The following PAPSS1 variants were observed in gnomAD, a reference collection of about 807,000 sequenced individuals.
The protein encoded by PAPSS1 is bifunctional 3'-phosphoadenosine 5'-phosphosulfate synthase 1.
A neutral mutation model predicts 72.0 loss-of-function variants in PAPSS1; 50 were observed. The observed-to-expected ratio is 0.69, with a 90% confidence interval of 0.55 to 0.88. The LOEUF (loss-of-function observed/expected upper bound fraction) is 0.88. Among genes scored for constraint, PAPSS1 ranks in the 40% least tolerant of loss-of-function variants. The pLI is 0.00. For missense variants in PAPSS1, 657 were observed against 782.2 expected (o/e 0.84, Z 1.91); for synonymous variants, 261 against 263.6 (o/e 0.99, Z 0.09).
In PAPSS1 at chr4:107,623,411, G is replaced by A. The variant is rs1160509715; in HGVS notation, c.1736+8220C>T. Reference sequence around the variant, plus strand: ...CCTAGGACACTGATGTGCTGCTCTAGGAAGAGTTTATGTTTGCTTCTGCTG... The same window carrying A: ...CCTAGGACACTGATGTGCTGCTCTAAGAAGAGTTTATGTTTGCTTCTGCTG... On this transcript the variant is annotated intron_variant, in intron 11 of 11. Transcript: ENST00000265174. Among the ~76,000 whole-genome samples the A allele has an allele frequency of 3.3e-5, 5 of 152,150 alleles. No individual in the cohort carries two copies. In the East Asian group the frequency reaches 9.6e-4, roughly 29 times the overall value.
chr4:107,679,513 C>G (rs1727745478), intron 5 of PAPSS1, among the ~76,000 whole-genome samples: 2 of 152,218 alleles, frequency 1.3e-5, no homozygotes, highest in South Asian at 4.2e-4. Context: ...GACATAAACA[C>G]TACCTCAATC....
At chr4:107,682,400 G>A (rs1722646303) in intron 4 of PAPSS1, among the ~76,000 whole-genome samples, 1 of 152,006 alleles carries the variant, frequency 6.6e-6, no homozygotes, top group African/African-American at 2.4e-5. Context: ...AAGAATAATT[G>A]TTTATGGTTT....
At chr4:107,709,868 TCTC>T (rs1723442647) in intron 1 of PAPSS1, among the ~76,000 whole-genome samples, 1 of 152,202 alleles carries the variant, frequency 6.6e-6, no homozygotes, top group Non-Finnish European at 1.5e-5. Flanking sequence ...ATAATAAAAG[TCTC>T]CTGTTCAGCT....
At chr4:107,674,245 G>A (rs1253592923) in intron 5 of PAPSS1, among the ~76,000 whole-genome samples, 2 of 152,116 alleles carry the variant, frequency 1.3e-5, no homozygotes, top group Non-Finnish European at 2.9e-5. Context: ...TGGCAAATTG[G>A]ATAAAGAGTC....
At chr4:107,618,194 A>G (rs1345803405) in intron 11 of PAPSS1, among the ~76,000 whole-genome samples, 2 of 152,214 alleles carry the variant, frequency 1.3e-5, no homozygotes, top group Admixed American at 6.5e-5. Flanking sequence ...TCATGGAAGA[A>G]GGGAAACTTA....
intron 1 of PAPSS1, among the ~76,000 whole-genome samples, chr4:107,713,829 T>A (rs903243983): frequency 2.0e-5 from 3 of 150,788 alleles, no homozygotes; most frequent in Admixed American, 6.6e-5. Context: ...CCAAAGTAAC[T>A]AGAGAGAAGA....
intron 10 of PAPSS1, among the ~76,000 whole-genome samples, chr4:107,635,353 A>T (rs964457052): frequency 3.3e-5 from 5 of 152,204 alleles, no homozygotes; most frequent in African/African-American, 1.2e-4. Context: ...CCAAGCATTA[A>T]TATGGTATAC....
intron 1 of PAPSS1, among the ~76,000 whole-genome samples, chr4:107,712,625 A>T (rs1723523502): frequency 6.6e-6 from 1 of 152,164 alleles, no homozygotes; most frequent in South Asian, 2.1e-4. Flanking sequence ...TTGTAATCCC[A>T]GCACTTTGGG....
chr4:107,638,160 A>G (rs1726437589), intron 10 of PAPSS1, among the ~76,000 whole-genome samples: 1 of 152,228 alleles, frequency 6.6e-6, no homozygotes, highest in African/African-American at 2.4e-5. Context: ...ATTACTCTGT[A>G]CTGGTACTGA....
intron 1 of PAPSS1, among the ~76,000 whole-genome samples, chr4:107,706,318 A>ACTT (rs1429221048): frequency 3.9e-5 from 6 of 152,080 alleles, no homozygotes; most frequent in Non-Finnish European, 8.8e-5. Flanking sequence ...TTTCTCCATT[A>ACTT]CTTTTCATTC....
intron 11 of PAPSS1, among the ~76,000 whole-genome samples, chr4:107,615,002 T>C (rs1342649302): frequency 6.6e-6 from 1 of 151,938 alleles, no homozygotes; most frequent in South Asian, 2.1e-4. Context: ...CTAAATCTAA[T>C]TTAACTAGCA....
intron 9 of PAPSS1, among the ~76,000 whole-genome samples, chr4:107,649,092 T>C (rs139009000): frequency 4.6e-5 from 7 of 152,342 alleles, no homozygotes; most frequent in Non-Finnish European, 8.8e-5. Context: ...GCCGCTTATT[T>C]GCCATTCCCC....
chr4:107,655,898 T>C (rs1228306759), intron 7 of PAPSS1, among the ~76,000 whole-genome samples: 2 of 152,208 alleles, frequency 1.3e-5, no homozygotes, highest in Non-Finnish European at 2.9e-5. Flanking sequence ...TAAAGTTTCT[T>C]GAGAAGAATG....
At chr4:107,627,748 T>C (rs193049800) in intron 11 of PAPSS1, among the ~76,000 whole-genome samples, 4 of 152,314 alleles carry the variant, frequency 2.6e-5, no homozygotes, top group Admixed American at 2.6e-4. Flanking sequence ...AAAAAAATTT[T>C]AAGGCATCCT....
intron 11 of PAPSS1, among the ~76,000 whole-genome samples, chr4:107,623,566 T>G (rs1726022377): frequency 6.6e-6 from 1 of 152,242 alleles, no homozygotes; most frequent in South Asian, 2.1e-4. Flanking sequence ...CTTTCAGCTT[T>G]CGAGCTTAAA....
intron 7 of PAPSS1, 49 bp from the exon 8 acceptor site, chr4:107,654,949 C>A: frequency 7.2e-7 from 1 of 1,398,182 alleles, no homozygotes; most frequent in Non-Finnish European, 1.0e-6. Flanking sequence ...TTACTCAACA[C>A]GCTTTACTTA....
chr4:107,637,042 T>G (rs1726403599), intron 10 of PAPSS1, among the ~76,000 whole-genome samples: 1 of 152,222 alleles, frequency 6.6e-6, no homozygotes, highest in African/African-American at 2.4e-5. Flanking sequence ...ATGAAAATTT[T>G]AGTTCTATAA....
At chr4:107,661,071 G>C (rs1181824050) in intron 5 of PAPSS1, among the ~76,000 whole-genome samples, 1 of 152,060 alleles carries the variant, frequency 6.6e-6, no homozygotes, top group African/African-American at 2.4e-5. Context: ...TCTCATCAAA[G>C]AAGACACATA....
At chr4:107,629,579 G>A (rs1726180632) in intron 11 of PAPSS1, among the ~76,000 whole-genome samples, 1 of 152,186 alleles carries the variant, frequency 6.6e-6, no homozygotes, top group Admixed American at 6.5e-5. Context: ...TTTTAAACAA[G>A]TGGGATCAAG....
Sources: gnomAD v4.1 joint callset for allele counts (sites outside exome capture counted in the v4.1 genomes callset) on GRCh38, gnomAD v4.1.1 for gene constraint, MANE v1.5 for transcripts, NCBI Gene and HGNC (gene_info 2026-07-23, HGNC 2026-07-21) for gene names.